The following KALRN variants were observed in gnomAD, a reference collection of about 807,000 sequenced individuals.
KALRN encodes the protein kalirin.
In KALRN, 70 loss-of-function variants were observed where a neutral mutation model predicts 353.7. That is an observed-to-expected ratio of 0.20 (90% confidence interval 0.16 to 0.24). The LOEUF is 0.24. Among genes scored for constraint, KALRN ranks in the 10% least tolerant of loss-of-function variants. The pLI, the probability that KALRN is intolerant of heterozygous loss-of-function variation, is 1.00. For missense variants in KALRN, 2,791 were observed against 3,756.7 expected (o/e 0.74, Z 6.72); for synonymous variants, 1,391 against 1,434.8 (o/e 0.97, Z 0.69).
chr3:124,502,901 A>T (rs1032835201), intron 33 of KALRN, among the ~76,000 whole-genome samples: 1 of 152,222 alleles, frequency 6.6e-6, no homozygotes, highest in Non-Finnish European at 1.5e-5. Context: ...CACTTGACAC[A>T]TTCTTGAAAA....
At chr3:124,533,495 A>G (rs2068237977) in intron 33 of KALRN, among the ~76,000 whole-genome samples, 1 of 152,222 alleles carries the variant, frequency 6.6e-6, no homozygotes, top group South Asian at 2.1e-4. Flanking sequence ...ATACAAAAAA[A>G]TTAGCCTGGC....
chr3:124,178,610 A>G (rs1365541143), intron 1 of KALRN, among the ~76,000 whole-genome samples: 1 of 152,176 alleles, frequency 6.6e-6, no homozygotes, highest in Non-Finnish European at 1.5e-5. Flanking sequence ...AAACCTATCT[A>G]GACATAGAAA....
intron 6 of KALRN, among the ~76,000 whole-genome samples, chr3:124,310,215 T>G (rs866346406): frequency 1.1e-4 from 17 of 150,560 alleles, no homozygotes; most frequent in African/African-American, 3.9e-4. Context: ...ATGAAAAAAG[T>G]GTAAAACTTA....
rs1375274016 is a variant in KALRN, at chr3:124,618,165, G to C, written c.5183-14255G>C. 5.4e-5 allele frequency among the ~76,000 whole-genome samples: 7 copies of C among 130,582 alleles called. No individual in the cohort carries two copies. In the Admixed American group the frequency reaches 5.6e-4, roughly 10 times the overall value. The allele number at this position is 130,582 out of a possible 152,430, so 85.7% of individuals were successfully genotyped here. A position where few individuals can be genotyped will look rare whatever the true frequency, so the allele number is the denominator to read the frequency against. ...GCTCTGTCTCCCAGGCTGGAGTGCA[G>C]CGGCACGATCTCGGCTCACTGCAAG... On this transcript the variant is annotated intron_variant, in intron 34 of 59. Coordinates refer to ENST00000682506, the MANE Select transcript of KALRN (RefSeq NM_001388419.1).
chr3:124,229,640 G>A (rs2078944243), intron 2 of KALRN, among the ~76,000 whole-genome samples: 2 of 152,242 alleles, frequency 1.3e-5, no homozygotes, highest in African/African-American at 4.8e-5. Context: ...TAAAGGAAAG[G>A]GGAAGTTAAG....
intron 6 of KALRN, among the ~76,000 whole-genome samples, chr3:124,303,263 A>G (rs184469161): frequency 6.6e-6 from 1 of 152,288 alleles, no homozygotes; most frequent in East Asian, 1.9e-4. Context: ...TGAATTTCCC[A>G]CTGGGAAACC....
intron 1 of KALRN, among the ~76,000 whole-genome samples, chr3:124,191,619 G>A (rs2074929098): frequency 6.6e-6 from 1 of 152,170 alleles, no homozygotes; most frequent in South Asian, 2.1e-4. Context: ...CATATCTGAT[G>A]CCTGGGCAGG....
At chr3:124,689,141 G>C (rs544641643) in intron 51 of KALRN, among the ~76,000 whole-genome samples, 1 of 152,220 alleles carries the variant, frequency 6.6e-6, no homozygotes, top group African/African-American at 2.4e-5. Flanking sequence ...TTCACAGAGA[G>C]AGAACATGTG....
At chr3:124,318,886 T>A (rs1170989868) in intron 6 of KALRN, among the ~76,000 whole-genome samples, 2 of 152,150 alleles carry the variant, frequency 1.3e-5, no homozygotes, top group East Asian at 3.9e-4. Flanking sequence ...TCACACACAT[T>A]AGGTAGATAT....
At chr3:124,586,682 C>T (rs2075226908) in intron 34 of KALRN, among the ~76,000 whole-genome samples, 1 of 152,130 alleles carries the variant, frequency 6.6e-6, no homozygotes, top group African/African-American at 2.4e-5. Context: ...CAGATGAAGA[C>T]TGAGGGAGTC....
intron 1 of KALRN, among the ~76,000 whole-genome samples, chr3:124,068,370 A>C (rs1479172560): frequency 6.6e-6 from 1 of 152,108 alleles, no homozygotes; most frequent in Non-Finnish European, 1.5e-5. Flanking sequence ...GAGCATCCAG[A>C]CCACTTTGTG....
chr3:124,551,786 CCTT>C (rs2070569215), intron 33 of KALRN, among the ~76,000 whole-genome samples: 1 of 152,178 alleles, frequency 6.6e-6, no homozygotes, highest in Non-Finnish European at 1.5e-5. Flanking sequence ...ATGTGTGTCT[CCTT>C]AGAGACTGTA....
chr3:124,326,106 G>A lies in KALRN; in HGVS notation c.1219G>A (p.Ala407Thr). 1 of 1,613,858 alleles carries A rather than the reference G, an allele frequency of 6.2e-7. No homozygotes were observed. The highest frequency in any genetic ancestry group is 8.5e-7 in the Non-Finnish European group (1 of 1,179,858). The change falls in exon 7 of 60, where the codon GCT becomes ACT. Residue 407 changes from alanine (A) to threonine (T), a missense_variant. Physicochemically the swap from Ala to Thr is moderately conservative, Grantham distance 58. This residue lies in a region of KALRN where 366 missense variants were observed against 489.2 expected (regional missense o/e 0.75). Transcript: ENST00000682506. ...QLDQEWKSFAAALDERSTILA... is the reference protein window; with the variant it reads ...QLDQEWKSFATALDERSTILA... ...GGACCAGGAGTGGAAGAGCTTCGCT[G>A]CTGCCCTGGATGAACGCAGCACCAT...
At chr3:124,120,711 A>AATATAT (rs368470724) in intron 1 of KALRN, among the ~76,000 whole-genome samples, 1,747 of 98,652 alleles carry the variant, frequency 0.018, 28 homozygotes, top group African/African-American at 0.042. Flanking sequence ...GAATACTAAA[A>AATATAT]ATATATATAT....
intron 9 of KALRN, among the ~76,000 whole-genome samples, chr3:124,340,709 C>A (rs1344121807): frequency 6.6e-6 from 1 of 152,122 alleles, no homozygotes. Context: ...AATCCCAGCA[C>A]TTTGGGAGGC....
At chr3:124,125,151 A>G (rs905775406) in intron 1 of KALRN, among the ~76,000 whole-genome samples, 1 of 152,198 alleles carries the variant, frequency 6.6e-6, no homozygotes, top group African/African-American at 2.4e-5. Context: ...ACAATTTACA[A>G]AAGGGTTTCA....
chr3:124,669,976 T>C (rs79557828), intron 47 of KALRN, among the ~76,000 whole-genome samples: 1 of 149,006 alleles, frequency 6.7e-6, no homozygotes, highest in African/African-American at 2.6e-5. Flanking sequence ...TTTTTTTTTT[T>C]TTTCTTTTTT....
chr3:124,256,497 T>TA (rs1210810274), intron 3 of KALRN, among the ~76,000 whole-genome samples: 2 of 152,092 alleles, frequency 1.3e-5, no homozygotes, highest in Non-Finnish European at 2.9e-5. Context: ...TCCAAAGACA[T>TA]AAAAACTTTA....
chr3:124,377,514 G>A (rs902016305), intron 10 of KALRN, among the ~76,000 whole-genome samples: 4 of 151,950 alleles, frequency 2.6e-5, no homozygotes, highest in Non-Finnish European at 4.4e-5. Flanking sequence ...AAAAGAATAT[G>A]CGTTCAGCTG....
Sources: gnomAD v4.1 joint callset for allele counts (sites outside exome capture counted in the v4.1 genomes callset) on GRCh38, gnomAD v4.1.1 for gene constraint, gnomAD v4.1.1 regional missense constraint, MANE v1.5 for transcripts, NCBI Gene and HGNC (gene_info 2026-07-23, HGNC 2026-07-21) for gene names.